Variants in CLSTN2 observed in about 807,000 individuals in gnomAD.
The protein encoded by CLSTN2 is calsyntenin-2.
In CLSTN2, 48 loss-of-function variants were observed where a neutral mutation model predicts 101.2. That is an observed-to-expected ratio of 0.47 (90% CI 0.38 to 0.60). CLSTN2 has a LOEUF of 0.60. Ranked by LOEUF, CLSTN2 falls within the 20% of genes least tolerant of loss-of-function variation. CLSTN2 has a pLI of 0.00. For missense variants in CLSTN2, 1,160 were observed against 1,238.2 expected (o/e 0.94, Z 0.95); for synonymous variants, 481 against 463.6 (o/e 1.04, Z -0.48).
In CLSTN2 at chr3:140,220,563, A is replaced by C. The variant is rs749681523; in HGVS notation, c.232+44490A>C. 3.9e-5 allele frequency among the ~76,000 whole-genome samples: 6 copies of C among 152,348 alleles called. 1 individual carries two copies. The South Asian group carries it at 6.2e-4, about 16-fold the overall frequency. On this transcript the variant is annotated intron_variant, in intron 2 of 16. Coordinates refer to ENST00000458420, the MANE Select transcript of CLSTN2 (RefSeq NM_022131.3). ...CACCATGTCTGTTATTATTACCTGA[A>C]TAACTCATGAAGGAGATTCTGGATG...
At chr3:140,364,688 G>A (rs372780519) in intron 2 of CLSTN2, among the ~76,000 whole-genome samples, 32 of 152,336 alleles carry the variant, frequency 2.1e-4, no homozygotes, top group African/African-American at 7.2e-4. Flanking sequence ...GGGAGGGCCA[G>A]TATAGAAGCA....
intron 1 of CLSTN2, among the ~76,000 whole-genome samples, chr3:139,973,626 C>T (rs7648405): frequency 0.13 from 19,659 of 151,902 alleles, 1,299 homozygotes; most frequent in East Asian, 0.19. Context: ...TCTCTTTGTC[C>T]TCTTTCTTTT....
intron 1 of CLSTN2, among the ~76,000 whole-genome samples, chr3:140,045,185 T>C (rs2007849619): frequency 6.6e-6 from 1 of 152,202 alleles, no homozygotes; most frequent in South Asian, 2.1e-4. Flanking sequence ...TGGTAGGCTA[T>C]TAGTTATTGC....
At chr3:140,136,712 C>T (rs929460272) in intron 1 of CLSTN2, among the ~76,000 whole-genome samples, 1 of 152,146 alleles carries the variant, frequency 6.6e-6, no homozygotes. Context: ...CTCTCAATTG[C>T]CTTGCAGAGT....
intron 1 of CLSTN2, among the ~76,000 whole-genome samples, chr3:140,166,907 T>C (rs2010144049): frequency 6.6e-6 from 1 of 152,154 alleles, no homozygotes; most frequent in Admixed American, 6.5e-5. Flanking sequence ...CAAGAACTGA[T>C]AAAAACTTAG....
chr3:140,267,863 G>A (rs1460770589), intron 2 of CLSTN2, among the ~76,000 whole-genome samples: 1 of 152,188 alleles, frequency 6.6e-6, no homozygotes, highest in Admixed American at 6.5e-5. Flanking sequence ...ACTGTGAGCA[G>A]AAAAGCCTGG....
intron 6 of CLSTN2, among the ~76,000 whole-genome samples, chr3:140,454,926 C>T (rs1347419378): frequency 1.3e-5 from 2 of 152,214 alleles, no homozygotes; most frequent in African/African-American, 2.4e-5. Flanking sequence ...TCTACCACCA[C>T]AAAGTCCCAG....
intron 9 of CLSTN2, among the ~76,000 whole-genome samples, chr3:140,543,900 C>A (rs530720491): frequency 6.6e-6 from 1 of 152,164 alleles, no homozygotes; most frequent in African/African-American, 2.4e-5. Context: ...ATCCTGGGTC[C>A]CAGGTCCACC....
rs73868782 is a variant in CLSTN2, at chr3:140,151,376, G to T, written c.110-24575G>T. 2.2e-3 allele frequency among the ~76,000 whole-genome samples: 339 copies of T among 152,148 alleles called. 2 individuals are homozygous for T. The highest frequency in any genetic ancestry group is 7.6e-3 in the African/African-American group (315 of 41,508). Reference sequence around the variant, plus strand: ...AGCTAAAGGAAGGGGTGAAGACAGAGCAGGGAATACCCATAACACCTCAGG... The same window carrying T: ...AGCTAAAGGAAGGGGTGAAGACAGATCAGGGAATACCCATAACACCTCAGG... On this transcript the variant is annotated intron_variant, in intron 1 of 16. Coordinates refer to ENST00000458420, the MANE Select transcript of CLSTN2 (RefSeq NM_022131.3).
At chr3:140,447,936 T>C (rs1480200906) in intron 5 of CLSTN2, among the ~76,000 whole-genome samples, 1 of 152,204 alleles carries the variant, frequency 6.6e-6, no homozygotes, top group African/African-American at 2.4e-5. Flanking sequence ...CCCCAGGTAC[T>C]GAAATAATCT....
rs1985537845 is a variant in CLSTN2, at chr3:140,571,271, CA to C, written c.*5019del. ...CTGTTTGAATCAATAGCAACATCAT[CA>C]GTAGAAAGCCCGACCAAGCACACTT... On this transcript the variant is annotated 3_prime_UTR_variant, in exon 17 of 17. Coordinates refer to ENST00000458420, the MANE Select transcript of CLSTN2 (RefSeq NM_022131.3). 2 of 152,172 alleles carry C rather than the reference CA, an allele frequency of 1.3e-5. No individual in the cohort carries two copies. Among genetic ancestry groups the C allele is most frequent in the South Asian group, 4.1e-4 (2 of 4,828 alleles). 9.4% of individuals were successfully genotyped at this position (152,172 alleles called of 1,614,324 possible).
At chr3:140,231,149 A>C (rs914753759) in intron 2 of CLSTN2, among the ~76,000 whole-genome samples, 2 of 152,218 alleles carry the variant, frequency 1.3e-5, no homozygotes, top group African/African-American at 4.8e-5. Context: ...CCAGAGGTAG[A>C]AGGAACCACT....
In CLSTN2 at chr3:140,137,915, G is replaced by A. The variant is rs191127003; in HGVS notation, c.110-38036G>A. ...GGTCCATGTGATTCCAAACGCTTTC[G>A]CCTTCCCTATTACAATAGGACTTTT... On this transcript the variant is annotated intron_variant, in intron 1 of 16. Coordinates refer to ENST00000458420, the MANE Select transcript of CLSTN2 (RefSeq NM_022131.3). Among the ~76,000 whole-genome samples the A allele has an allele frequency of 1.3e-3, 197 of 152,228 alleles. 1 individual carries two copies. The highest frequency in any genetic ancestry group is 4.5e-3 in the African/African-American group (186 of 41,530).
chr3:140,233,606 A>C (rs910922152), intron 2 of CLSTN2, among the ~76,000 whole-genome samples: 16 of 152,204 alleles, frequency 1.1e-4, no homozygotes, highest in Admixed American at 1.0e-3. Flanking sequence ...GGGCCCATCT[A>C]ACAGGAATTT....
intron 2 of CLSTN2, among the ~76,000 whole-genome samples, chr3:140,398,478 G>T (rs1368277045): frequency 1.3e-5 from 2 of 152,128 alleles, no homozygotes; most frequent in African/African-American, 4.8e-5. Context: ...CAGACAAAAA[G>T]TCAAATAACA....
chr3:140,464,334 T>G (rs1420735526), intron 7 of CLSTN2, among the ~76,000 whole-genome samples: 1 of 152,228 alleles, frequency 6.6e-6, no homozygotes, highest in African/African-American at 2.4e-5. Context: ...GATGAGAGAC[T>G]GATGTTTGAT....
intron 2 of CLSTN2, among the ~76,000 whole-genome samples, chr3:140,211,227 C>T (rs907374256): frequency 6.6e-6 from 1 of 151,700 alleles, no homozygotes; most frequent in Admixed American, 6.6e-5. Flanking sequence ...TCAGTTTCCT[C>T]CTTATAAAAT....
At chr3:139,955,137 T>TATATATATATATATATATATATAC (rs1231560755) in intron 1 of CLSTN2, among the ~76,000 whole-genome samples, 1 of 139,236 alleles carries the variant, frequency 7.2e-6, no homozygotes, top group African/African-American at 2.7e-5. Flanking sequence ...TATATATATA[T>TATATATATATATATATATATATAC]ATGGCAATTC....
At chr3:140,307,023 T>C (rs112386639) in intron 2 of CLSTN2, among the ~76,000 whole-genome samples, 7,721 of 152,138 alleles carry the variant, frequency 0.051, 442 homozygotes, top group African/African-American at 0.13. Context: ...CTTTCCAGTG[T>C]TGTTCTCATG....
Sources: gnomAD v4.1 joint callset for allele counts (sites outside exome capture counted in the v4.1 genomes callset) on GRCh38, gnomAD v4.1.1 for gene constraint, MANE v1.5 for transcripts, NCBI Gene and HGNC (gene_info 2026-07-23, HGNC 2026-07-21) for gene names.